The following GIPC2 variants were observed in gnomAD, a reference collection of about 807,000 sequenced individuals.
GIPC2 encodes the protein PDZ domain-containing protein GIPC2.
A neutral mutation model predicts 30.6 loss-of-function variants in GIPC2; 30 were observed. The ratio of observed to expected loss-of-function variants is 0.98; its 90% confidence interval spans 0.73 to 1.33. GIPC2 has a LOEUF of 1.33. GIPC2 is among the 40% of genes most tolerant of loss of function. The pLI is 0.00. For synonymous variants in GIPC2, 167 were observed against 150.0 expected (o/e 1.11, Z -0.83); for missense variants, 414 against 390.3 (o/e 1.06, Z -0.51).
chr1:78,053,823 A>G (rs907544095), intron 1 of GIPC2, among the ~76,000 whole-genome samples: 2 of 150,492 alleles, frequency 1.3e-5, no homozygotes, highest in Admixed American at 1.3e-4. Context: ...CCCAGTATTC[A>G]GGAGGCTGAG....
intron 1 of GIPC2, among the ~76,000 whole-genome samples, chr1:78,070,576 T>C (rs975761439): frequency 1.3e-5 from 2 of 152,148 alleles, no homozygotes; most frequent in Admixed American, 6.5e-5. Flanking sequence ...TATTCGTTGG[T>C]TTAGTATTTG....
intron 2 of GIPC2, among the ~76,000 whole-genome samples, chr1:78,092,574 A>G (rs767953605): frequency 1.1e-4 from 16 of 152,214 alleles, no homozygotes; most frequent in Non-Finnish European, 1.8e-4. Context: ...TTTTATGATT[A>G]TCAAAGCACA....
intron 5 of GIPC2, among the ~76,000 whole-genome samples, chr1:78,132,254 G>A (rs563812188): frequency 9.2e-5 from 14 of 152,118 alleles, no homozygotes; most frequent in African/African-American, 3.4e-4. Flanking sequence ...ATAATAATGG[G>A]TGTAGGTATT....
intron 1 of GIPC2, among the ~76,000 whole-genome samples, chr1:78,077,293 A>C (rs1661734031): frequency 6.6e-6 from 1 of 152,210 alleles, no homozygotes; most frequent in Non-Finnish European, 1.5e-5. Context: ...TTTTGGATAT[A>C]CTGGGTTATA....
chr1:78,065,086 G>A (rs1446589405), intron 1 of GIPC2, among the ~76,000 whole-genome samples: 4 of 151,918 alleles, frequency 2.6e-5, no homozygotes, highest in African/African-American at 4.8e-5. Flanking sequence ...TGATCTTCTC[G>A]CCTCAGCCCC....
chr1:78,124,434 G>A (rs575227119), intron 4 of GIPC2, among the ~76,000 whole-genome samples: 3 of 152,136 alleles, frequency 2.0e-5, no homozygotes, highest in South Asian at 2.1e-4. Flanking sequence ...ATACAATAAA[G>A]TTAAAAATAC....
intron 5 of GIPC2, among the ~76,000 whole-genome samples, chr1:78,132,464 T>C (rs1349130199): frequency 6.6e-6 from 1 of 152,104 alleles, no homozygotes; most frequent in African/African-American, 2.4e-5. Flanking sequence ...GACTGTGAGG[T>C]TAGACTATGG....
At chr1:78,053,218 G>A (rs981588655) in intron 1 of GIPC2, among the ~76,000 whole-genome samples, 4 of 152,202 alleles carry the variant, frequency 2.6e-5, no homozygotes, top group Non-Finnish European at 4.4e-5. Context: ...TTGGCATTCT[G>A]TTGCACATAA....
intron 3 of GIPC2, among the ~76,000 whole-genome samples, chr1:78,110,703 G>C (rs1662451146): frequency 6.6e-6 from 1 of 152,134 alleles, no homozygotes; most frequent in Non-Finnish European, 1.5e-5. Flanking sequence ...GAACTATATA[G>C]CCTGGAACAC....
chr1:78,108,650 A>G (rs935315536), intron 3 of GIPC2, among the ~76,000 whole-genome samples: 1 of 152,106 alleles, frequency 6.6e-6, no homozygotes, highest in Non-Finnish European at 1.5e-5. Flanking sequence ...TATTGGAGAG[A>G]GGAAGGATGC....
intron 3 of GIPC2, among the ~76,000 whole-genome samples, chr1:78,108,239 G>A (rs1662397082): frequency 6.6e-6 from 1 of 152,146 alleles, no homozygotes; most frequent in African/African-American, 2.4e-5. Context: ...CTAGAGGTTT[G>A]TAATCTTTTT....
intron 3 of GIPC2, among the ~76,000 whole-genome samples, chr1:78,119,094 T>G (rs750571133): frequency 5.9e-5 from 9 of 152,208 alleles, no homozygotes; most frequent in Non-Finnish European, 8.8e-5. Context: ...TTACTCCTCT[T>G]TACTCTTTTT....
At position 78,091,858 on chromosome 1, in the gene GIPC2, A is replaced by T; in HGVS notation, c.427-3094A>T. Reference sequence around the variant, plus strand: ...TGTCTCGGAAGGAGAAAGATGTAAGAATCTTGTGGAAGAAGAATGAAGTTG... The same window carrying T: ...TGTCTCGGAAGGAGAAAGATGTAAGTATCTTGTGGAAGAAGAATGAAGTTG... On this transcript the variant is annotated intron_variant, in intron 2 of 5. Coordinates refer to ENST00000370759, the MANE Select transcript of GIPC2 (RefSeq NM_017655.6). 3.8e-6 allele frequency: 3 copies of T among 779,574 alleles called. No homozygotes were observed. In the South Asian group the frequency reaches 4.0e-5, roughly 10 times the overall value. The allele number at this position is 779,574 out of a possible 1,614,324, so 48.3% of individuals were successfully genotyped here.
At chr1:78,063,457 A>C (rs1413171998) in intron 1 of GIPC2, among the ~76,000 whole-genome samples, 4 of 151,084 alleles carry the variant, frequency 2.6e-5, no homozygotes. Context: ...GTGCCATTAC[A>C]CTCCAGCCTG....
Position 78,095,095 on chromosome 1 carries a change from C to G in GIPC2, c.570C>G (p.Leu190=). 1 of 1,612,912 alleles carries G rather than the reference C, an allele frequency of 6.2e-7. No individual in the cohort carries two copies. The highest frequency in any genetic ancestry group is 8.5e-7 in the Non-Finnish European group (1 of 1,179,040). The change falls in exon 3 of 6, where the codon CTC becomes CTG. Residue 190 remains leucine (L), a synonymous_variant. Coordinates refer to ENST00000370759, the MANE Select transcript of GIPC2 (RefSeq NM_017655.6). ...TAAAGGAATTAAAAAAGGAGGAACT[C>G]TTTACTATGAAGTTAATAGAACCTA... The part of the protein sequence containing the change: ...KKLKELKKEE[L]FTMKLIEPKK...
intron 2 of GIPC2, among the ~76,000 whole-genome samples, chr1:78,085,609 T>C (rs1431932307): frequency 6.6e-6 from 1 of 151,904 alleles, no homozygotes; most frequent in East Asian, 1.9e-4. Flanking sequence ...TCATTATTGG[T>C]CTGTTCAGGA....
intron 1 of GIPC2, among the ~76,000 whole-genome samples, chr1:78,079,239 G>C (rs1661782069): frequency 6.6e-6 from 1 of 152,148 alleles, no homozygotes; most frequent in Non-Finnish European, 1.5e-5. Flanking sequence ...GGCATTCACT[G>C]TTTTGTAGCC....
Position 78,119,395 on chromosome 1 carries a change from A to C in GIPC2, c.610A>C (p.Ile204Leu), listed in dbSNP as rs373924776. 9 of 1,575,258 alleles carry C rather than the reference A, an allele frequency of 5.7e-6. No individual in the cohort carries two copies. Among genetic ancestry groups the C allele is most frequent in the Non-Finnish European group, 7.9e-6 (9 of 1,145,082 alleles). The change falls in exon 4 of 6, where the codon ATA (isoleucine) becomes CTA (leucine). Residue 204 changes from isoleucine (I) to leucine (L), a missense_variant and splice_region_variant. Coordinates refer to ENST00000370759, the MANE Select transcript of GIPC2 (RefSeq NM_017655.6). ...KLIEPKKAFE[I>L]ELRSKAGKSS... The stretch of plus-strand genomic sequence containing the variant: ...TTTCCCTGTTCATTGTATTGTAGAA[A>C]TAGAGCTGAGGTCAAAGGCTGGAAA...
At chr1:78,123,037 G>T (rs1034809499) in intron 4 of GIPC2, among the ~76,000 whole-genome samples, 1 of 151,922 alleles carries the variant, frequency 6.6e-6, no homozygotes, top group South Asian at 2.1e-4. Context: ...ATGTGGGTGG[G>T]TTACCTGAGG....
Sources: allele counts gnomAD v4.1 joint callset (sites outside exome capture counted in the v4.1 genomes callset), GRCh38; gene constraint gnomAD v4.1.1; transcripts MANE v1.5; gene names NCBI Gene and HGNC (gene_info 2026-07-23, HGNC 2026-07-21).